The following AKAP6 variants were observed in gnomAD, a reference collection of about 807,000 sequenced individuals.
AKAP6 encodes A-kinase anchor protein 6.
Under a neutral mutation model 188.5 loss-of-function variants are expected in AKAP6, and 58 were observed. That is an observed-to-expected ratio of 0.31 (90% CI 0.25 to 0.38). The LOEUF (loss-of-function observed/expected upper bound fraction) is 0.38, where lower values mean the gene tolerates loss of function less well. Ranked by LOEUF, AKAP6 falls within the 10% of genes least tolerant of loss-of-function variation. The pLI, the probability that AKAP6 is intolerant of heterozygous loss-of-function variation, is 1.00. For synonymous variants in AKAP6, 989 were observed against 998.6 expected (o/e 0.99, Z 0.18); for missense variants, 2,710 against 2,740.0 (o/e 0.99, Z 0.24).
chr14:32,423,248 C>T (rs1889910217), intron 1 of AKAP6, among the ~76,000 whole-genome samples: 1 of 152,110 alleles, frequency 6.6e-6, no homozygotes, highest in South Asian at 2.1e-4. Context: ...CAGTTCACTG[C>T]AGCCTTGACC....
At chr14:32,342,671 A>G (rs1303764766) in intron 1 of AKAP6, among the ~76,000 whole-genome samples, 2 of 152,068 alleles carry the variant, frequency 1.3e-5, no homozygotes, top group Non-Finnish European at 2.9e-5. Context: ...CAGTGTAGCT[A>G]GTGCACTGTG....
intron 2 of AKAP6, among the ~76,000 whole-genome samples, chr14:32,463,092 T>A (rs1891408448): frequency 6.6e-6 from 1 of 151,642 alleles, no homozygotes; most frequent in Non-Finnish European, 1.5e-5. Context: ...AGCACCCAGA[T>A]TTATAAAACA....
intron 7 of AKAP6, 105 bp from the exon 8 acceptor site, chr14:32,678,206 C>A: frequency 8.7e-7 from 1 of 1,153,634 alleles, no homozygotes; most frequent in Non-Finnish European, 1.2e-6. Context: ...CGAAAAGGAG[C>A]ACTATAATGA....
At chr14:32,658,906 C>A (rs1888568682) in intron 7 of AKAP6, among the ~76,000 whole-genome samples, 1 of 151,812 alleles carries the variant, frequency 6.6e-6, no homozygotes, top group African/African-American at 2.4e-5. Flanking sequence ...AACCAACTAC[C>A]AGAGCTTCAG....
intron 1 of AKAP6, among the ~76,000 whole-genome samples, chr14:32,395,616 T>A (rs773598788): frequency 2.6e-5 from 4 of 152,246 alleles, no homozygotes; most frequent in African/African-American, 9.6e-5. Context: ...GACAGTTACC[T>A]GCTTTGTTAT....
intron 12 of AKAP6, among the ~76,000 whole-genome samples, chr14:32,785,911 G>T (rs1049507437): frequency 6.6e-6 from 1 of 152,028 alleles, no homozygotes; most frequent in Non-Finnish European, 1.5e-5. Flanking sequence ...AAAAAAAACT[G>T]GTGAAGACAC....
intron 2 of AKAP6, among the ~76,000 whole-genome samples, chr14:32,518,950 G>T (rs976662468): frequency 6.6e-6 from 1 of 152,194 alleles, no homozygotes; most frequent in African/African-American, 2.4e-5. Flanking sequence ...AGAGAGAAAG[G>T]TCGGGTTACC....
intron 1 of AKAP6, among the ~76,000 whole-genome samples, chr14:32,350,823 T>C (rs1327271793): frequency 2.0e-5 from 3 of 152,138 alleles, no homozygotes; most frequent in African/African-American, 7.2e-5. Flanking sequence ...TACAGATTTA[T>C]TTTTTAAAAA....
intron 2 of AKAP6, among the ~76,000 whole-genome samples, chr14:32,444,416 C>A (rs973558414): frequency 2.6e-5 from 4 of 152,064 alleles, no homozygotes; most frequent in Admixed American, 1.3e-4. Context: ...GTTGTTTTTT[C>A]TTTGTATAAA....
chr14:32,515,579 T>A (rs1263964156), intron 2 of AKAP6, among the ~76,000 whole-genome samples: 9 of 152,142 alleles, frequency 5.9e-5, no homozygotes, highest in Admixed American at 5.2e-4. Flanking sequence ...ATCTTTGGGC[T>A]TGAGAGTACA....
chr14:32,593,770 C>A (rs137979207), intron 5 of AKAP6, among the ~76,000 whole-genome samples: 1 of 152,220 alleles, frequency 6.6e-6, no homozygotes, highest in East Asian at 1.9e-4. Flanking sequence ...CATCCCAGGG[C>A]ACACACTTGA....
intron 2 of AKAP6, among the ~76,000 whole-genome samples, chr14:32,504,025 G>T (rs922392604): frequency 1.3e-5 from 2 of 151,384 alleles, no homozygotes; most frequent in African/African-American, 4.9e-5. Context: ...GCTTAGTGAG[G>T]TTGCTATTTT....
chr14:32,799,787 G>C (rs377755211), intron 12 of AKAP6, among the ~76,000 whole-genome samples: 1 of 152,010 alleles, frequency 6.6e-6, no homozygotes, highest in Non-Finnish European at 1.5e-5. Context: ...GTATTCTTCT[G>C]TTGTTGGATC....
intron 7 of AKAP6, among the ~76,000 whole-genome samples, chr14:32,657,707 G>T (rs1745167790): frequency 6.6e-6 from 1 of 150,388 alleles, no homozygotes; most frequent in South Asian, 2.1e-4. Context: ...GTTTTTAAAA[G>T]CTCACCATTT....
chr14:32,548,210 C>G (rs561662514), intron 4 of AKAP6, among the ~76,000 whole-genome samples: 135 of 151,186 alleles, frequency 8.9e-4, no homozygotes, highest in African/African-American at 3.1e-3. Context: ...CAAGAGATTA[C>G]CCTGCCTCAG....
chr14:32,604,217 C>T (rs1226500242), intron 7 of AKAP6, among the ~76,000 whole-genome samples: 1 of 152,068 alleles, frequency 6.6e-6, no homozygotes, highest in Non-Finnish European at 1.5e-5. Context: ...ATTATGTGCA[C>T]AGCATAGTGC....
rs140386193 is a variant in AKAP6 at position 32,339,105 on chromosome 14, C to T, written c.-35+9697C>T. Reference sequence around the variant, plus strand: ...CATTTTACTTGTTTGTTTGTTTCTCCCTGGTATAATATAACTTGTATAAGG... The same window carrying T: ...CATTTTACTTGTTTGTTTGTTTCTCTCTGGTATAATATAACTTGTATAAGG... On this transcript the variant is annotated intron_variant, in intron 1 of 13. Transcript: ENST00000280979. Among the ~76,000 whole-genome samples, 70 of 152,120 alleles carry T rather than the reference C, an allele frequency of 4.6e-4. 1 individual carries two copies. In the East Asian group the frequency reaches 0.012, roughly 26 times the overall value.
At chr14:32,500,063 A>G (rs994278219) in intron 2 of AKAP6, among the ~76,000 whole-genome samples, 5 of 152,124 alleles carry the variant, frequency 3.3e-5, no homozygotes, top group Non-Finnish European at 7.4e-5. Flanking sequence ...CAAAACTCAG[A>G]TTTTGATTCT....
chr14:32,417,551 A>C (rs982847855), intron 1 of AKAP6, among the ~76,000 whole-genome samples: 1 of 152,154 alleles, frequency 6.6e-6, no homozygotes, highest in African/African-American at 2.4e-5. Flanking sequence ...GTGGAGGGAC[A>C]AAAAATGTTG....
Sources: gnomAD v4.1 joint callset for allele counts (sites outside exome capture counted in the v4.1 genomes callset) on GRCh38, gnomAD v4.1.1 for gene constraint, MANE v1.5 for transcripts, NCBI Gene and HGNC (gene_info 2026-07-23, HGNC 2026-07-21) for gene names.